Variants in CELF1 observed in about 807,000 individuals in gnomAD.
CELF1 encodes the protein CUGBP Elav-like family member 1, also known as 50 kDa nuclear polyadenylated RNA-binding protein.
Under a neutral mutation model 61.8 loss-of-function variants are expected in CELF1, and 10 were observed. The observed-to-expected ratio is 0.16, with a 90% CI of 0.10 to 0.27. CELF1 has a LOEUF of 0.27. Ranked by LOEUF, CELF1 falls within the 10% of genes least tolerant of loss-of-function variation. The pLI is 1.00. For missense variants in CELF1, 380 were observed against 639.1 expected (o/e 0.59, Z 4.37); for synonymous variants, 236 against 225.1 (o/e 1.05, Z -0.43).
At chr11:47,479,751 A>C (rs889861967) in intron 9 of CELF1, among the ~76,000 whole-genome samples, 4 of 152,208 alleles carry the variant, frequency 2.6e-5, no homozygotes, top group African/African-American at 9.6e-5. Context: ...AAACCCAATT[A>C]GTATTGTTTA....
upstream of CELF1, among the ~76,000 whole-genome samples, chr11:47,555,066 T>C (rs2097201809): frequency 6.6e-6 from 1 of 152,216 alleles, no homozygotes; most frequent in South Asian, 2.1e-4. Context: ...TTGTCTGTTT[T>C]ATTTCACTGC....
Position 47,475,237 on chromosome 11 carries a change from C to A in CELF1, c.1273+99G>T, listed in dbSNP as rs548509837. The A allele has an allele frequency of 1.0e-4, 109 of 1,083,550 alleles. No homozygotes were observed. In the South Asian group the frequency reaches 1.4e-3, roughly 14 times the overall value. The allele number at this position is 1,083,550 out of a possible 1,614,324, so 67.1% of individuals were successfully genotyped here. A position where few individuals can be genotyped will look rare whatever the true frequency, so the allele number is the denominator to read the frequency against. On this transcript the variant is annotated intron_variant, in intron 13 of 14. Transcript: ENST00000687097. Reference sequence around the variant, plus strand: ...CTGTCAAAGAAAAACAATGGTCTGACGACCTAACTGGTTCCCTCAGCCTTT... The same window carrying A: ...CTGTCAAAGAAAAACAATGGTCTGAAGACCTAACTGGTTCCCTCAGCCTTT...
chr11:47,537,367 C>T (rs2096656710), intron 1 of CELF1, among the ~76,000 whole-genome samples: 1 of 151,896 alleles, frequency 6.6e-6, no homozygotes, highest in African/African-American at 2.4e-5. Flanking sequence ...CCTGCCTCAG[C>T]CTCCTGAGTA....
At chr11:47,484,056 G>A (rs1026189504) in intron 7 of CELF1, among the ~76,000 whole-genome samples, 4 of 152,104 alleles carry the variant, frequency 2.6e-5, no homozygotes, top group Non-Finnish European at 4.4e-5. Context: ...TTCCAAGCCC[G>A]GTGCAGTGGC....
At position 47,482,786 on chromosome 11, in the gene CELF1, T is replaced by C; in HGVS notation, c.677A>G (p.Gln226Arg). The change falls in exon 9 of 15, where the codon CAG becomes CGG. Residue 226 changes from glutamine (Q) to arginine (R), a missense_variant. Transcript: ENST00000687097. Reference protein sequence around the residue: ...QKDKEQKRMAQQLQQQMQQIS... With the variant: ...QKDKEQKRMARQLQQQMQQIS... ...TTGCTGCATCTGCTGCTGGAGCTGC[T>C]GGGCCATTCTCTTCTGTTCTTTGTC... 2 of 1,614,186 alleles carry C rather than the reference T, an allele frequency of 1.2e-6. No individual in the cohort carries two copies. The highest frequency in any genetic ancestry group is 1.7e-6 in the Non-Finnish European group (2 of 1,179,998).
chr11:47,493,219 A>G (rs181810906), intron 3 of CELF1, among the ~76,000 whole-genome samples: 207 of 151,930 alleles, frequency 1.4e-3, no homozygotes, highest in African/African-American at 4.7e-3. Flanking sequence ...TTCAATAGCC[A>G]GAAGACTCCC....
chr11:47,476,960 C>G lies in CELF1; in HGVS notation c.974-1G>C, dbSNP rs768016223. Reference sequence around the variant, plus strand: ...CTGCTAGAGCTAGGTGAGGACCCTGCTATTAGAAAGCAAGGAGTTAAAATT... The same window carrying G: ...CTGCTAGAGCTAGGTGAGGACCCTGGTATTAGAAAGCAAGGAGTTAAAATT... On this transcript the variant is annotated splice_acceptor_variant, in intron 11 of 14. Transcript: ENST00000687097. LOFTEE classifies it high-confidence loss of function. 1 of 1,611,900 alleles carries G rather than the reference C, an allele frequency of 6.2e-7. No homozygotes were observed. The highest frequency in any genetic ancestry group is 8.5e-7 in the Non-Finnish European group (1 of 1,178,098).
intron 1 of CELF1, among the ~76,000 whole-genome samples, chr11:47,515,651 T>G (rs1203394860): frequency 1.3e-5 from 2 of 152,218 alleles, no homozygotes; most frequent in Non-Finnish European, 2.9e-5. Flanking sequence ...TGATGTCTCT[T>G]GCGGAGTCAT....
intron 1 of CELF1, among the ~76,000 whole-genome samples, 200 bp downstream of exon 1, chr11:47,552,792 G>A (rs1056421912): frequency 1.3e-5 from 2 of 152,188 alleles, no homozygotes; most frequent in African/African-American, 4.8e-5. Context: ...AACGCGACAG[G>A]ACCCGGGGAG....
At chr11:47,502,779 C>G (rs2094078142) in intron 1 of CELF1, among the ~76,000 whole-genome samples, 1 of 152,148 alleles carries the variant, frequency 6.6e-6, no homozygotes, top group Admixed American at 6.5e-5. Context: ...TTGCAGTGAG[C>G]TGAGATTGCG....
chr11:47,507,840 A>G (rs1006428005), intron 1 of CELF1, among the ~76,000 whole-genome samples: 2 of 152,150 alleles, frequency 1.3e-5, no homozygotes, highest in Admixed American at 1.3e-4. Flanking sequence ...AGATTTAATT[A>G]GTTTCCAATT....
chr11:47,502,168 A>C (rs1392267354), intron 1 of CELF1, among the ~76,000 whole-genome samples: 1 of 152,216 alleles, frequency 6.6e-6, no homozygotes, highest in Non-Finnish European at 1.5e-5. Context: ...AAGCAGTTGA[A>C]AATAGAAAGC....
intron 2 of CELF1, among the ~76,000 whole-genome samples, chr11:47,500,461 T>C (rs1419963271): frequency 6.6e-6 from 1 of 152,220 alleles, no homozygotes; most frequent in Non-Finnish European, 1.5e-5. Flanking sequence ...AAATAATGTA[T>C]TTTCAGTTCT....
Position 47,483,521 on chromosome 11 carries a change from C to T in CELF1, c.538G>A (p.Val180Met). The T allele has an allele frequency of 6.2e-7, 1 of 1,613,756 alleles. No individual in the cohort carries two copies. The highest frequency in any genetic ancestry group is 8.5e-7 in the Non-Finnish European group (1 of 1,179,738). Reference protein sequence around the residue: ...PDGLSRGCAFVTFTTRAMAQT... With the variant: ...PDGLSRGCAFMTFTTRAMAQT... ...GCCATGGCTCTTGTTGTAAAAGTCA[C>T]AAATGCACAACCTGGTAAGAGAAGA... The change falls in exon 8 of 15, where the codon GTG (valine) becomes ATG (methionine). Residue 180 changes from valine to methionine, a missense_variant. Transcript: ENST00000687097.
chr11:47,473,028 CCTT>C, intron 14 of CELF1, 57 bp downstream of exon 14: 1 of 1,565,878 alleles, frequency 6.4e-7, no homozygotes, highest in Non-Finnish European at 8.7e-7. Context: ...GCAGTGAGCT[CCTT>C]CTTTCTCAGT....
chr11:47,488,564 C>A (rs1452631682), intron 4 of CELF1, among the ~76,000 whole-genome samples: 1 of 152,146 alleles, frequency 6.6e-6, no homozygotes, highest in Non-Finnish European at 1.5e-5. Flanking sequence ...AAGGACTGCC[C>A]AAGACCCAAT....
intron 1 of CELF1, among the ~76,000 whole-genome samples, chr11:47,528,957 G>C (rs2096364702): frequency 6.6e-6 from 1 of 151,956 alleles, no homozygotes; most frequent in South Asian, 2.1e-4. Context: ...CTAGAGTCCA[G>C]TGGCAGGATC....
chr11:47,476,836 T>C lies in CELF1; in HGVS notation c.1087+10A>G, dbSNP rs2080444028. 1 of 1,601,754 alleles carries C rather than the reference T, an allele frequency of 6.2e-7. No individual in the cohort carries two copies. On this transcript the variant is annotated intron_variant, in intron 12 of 14. Transcript: ENST00000687097. The stretch of plus-strand genomic sequence containing the variant: ...GAATAGTCTGATGACAGCCAGGTGC[T>C]GCCCCTTACCTGCCAAAGAGCCAAC...
chr11:47,541,708 A>G (rs1376146293), intron 1 of CELF1, among the ~76,000 whole-genome samples: 3 of 2,046 alleles, frequency 1.5e-3, no homozygotes, highest in African/African-American at 2.2e-3. Flanking sequence ...GAAAGAAAGA[A>G]AGAAAGAAAG....
Sources: allele counts gnomAD v4.1 joint callset (sites outside exome capture counted in the v4.1 genomes callset), GRCh38; gene constraint gnomAD v4.1.1; transcripts MANE v1.5; gene names NCBI Gene and HGNC (gene_info 2026-07-23, HGNC 2026-07-21).